TENM2: variants seen among roughly 807,000 people sequenced by gnomAD.
TENM2 encodes the protein teneurin transmembrane protein 2.
In TENM2, 52 loss-of-function variants were observed where a neutral mutation model predicts 245.2. The observed-to-expected ratio is 0.21, with a 90% CI of 0.17 to 0.27. TENM2 has a LOEUF of 0.27. TENM2 is among the 10% of genes least tolerant of loss of function. The pLI, the probability that TENM2 is intolerant of heterozygous loss-of-function variation, is 1.00. For synonymous variants in TENM2, 1,363 were observed against 1,438.9 expected, an observed-to-expected ratio of 0.95 and a Z score of 1.19; for missense variants, 3,046 against 3,666.8, an observed-to-expected ratio of 0.83 and a Z score of 4.37.
chr5:167,868,279 C>T (rs1331747046), intron 2 of TENM2, among the ~76,000 whole-genome samples: 1 of 152,108 alleles, frequency 6.6e-6, no homozygotes, highest in Non-Finnish European at 1.5e-5. Context: ...AGGATTGCCC[C>T]AGTGGAGAAT....
At chr5:167,093,116 G>A in the TENM2 span, among the ~76,000 whole-genome samples, 1 of 151,898 alleles carries the variant, frequency 6.6e-6, no homozygotes, top group Non-Finnish European at 1.5e-5. Flanking sequence ...TTACACTAGT[G>A]GATTCTCTAC....
chr5:167,401,407 A>T (rs1291020478), intron 2 of TENM2, among the ~76,000 whole-genome samples: 1 of 152,098 alleles, frequency 6.6e-6, no homozygotes, highest in South Asian at 2.1e-4. Context: ...AATTCTAAAA[A>T]TTGTGTTTGT....
intron 2 of TENM2, among the ~76,000 whole-genome samples, chr5:167,549,531 A>G (rs1772793881): frequency 6.6e-6 from 1 of 152,212 alleles, no homozygotes; most frequent in Non-Finnish European, 1.5e-5. Context: ...TTGGCCTAAT[A>G]TGGAGGAGTG....
intron 8 of TENM2, among the ~76,000 whole-genome samples, chr5:168,094,945 C>T (rs149207432): frequency 0.025 from 3,770 of 151,764 alleles, 148 homozygotes; most frequent in African/African-American, 0.083. Context: ...ACTGTGCATG[C>T]GAGGGATCTA....
In TENM2 at chr5:167,912,165, C is replaced by T. The variant is rs138592737; in HGVS notation, c.712+35970C>T. 3.6e-4 allele frequency among the ~76,000 whole-genome samples: 55 copies of T among 152,224 alleles called. 1 individual carries two copies. Among genetic ancestry groups the T allele is most frequent in the African/African-American group, 1.3e-3 (54 of 41,536 alleles). ...CAACATCTACCCAATCTCCACCTTCCAGCCCCTAGTAACCACCACCCTACT... is the reference window on the plus strand; with the variant it reads ...CAACATCTACCCAATCTCCACCTTCTAGCCCCTAGTAACCACCACCCTACT... On this transcript the variant is annotated intron_variant, in intron 3 of 28. Transcript: ENST00000518659.
At chr5:167,869,650 T>TATCAGGG (rs1772641088) in intron 2 of TENM2, among the ~76,000 whole-genome samples, 1 of 152,226 alleles carries the variant, frequency 6.6e-6, no homozygotes, top group Admixed American at 6.5e-5. Flanking sequence ...CCTCGCAGCT[T>TATCAGGG]CTGCACTAGC....
At chr5:167,256,626 A>G in the TENM2 span, among the ~76,000 whole-genome samples, 1 of 152,166 alleles carries the variant, frequency 6.6e-6, no homozygotes, top group African/African-American at 2.4e-5. Context: ...TATGCAATTT[A>G]TCCAATGTCC....
At chr5:167,215,740 G>A in the TENM2 span, among the ~76,000 whole-genome samples, 1 of 152,140 alleles carries the variant, frequency 6.6e-6, no homozygotes. Context: ...GTGGTTGAAG[G>A]GCCAAAAGAT....
chr5:168,042,607 C>T (rs912004003), intron 5 of TENM2, among the ~76,000 whole-genome samples: 1 of 152,036 alleles, frequency 6.6e-6, no homozygotes, highest in Non-Finnish European at 1.5e-5. Flanking sequence ...CTCAGTTACT[C>T]GCAACGAACC....
intron 2 of TENM2, among the ~76,000 whole-genome samples, chr5:167,443,168 A>G (rs1345573664): frequency 6.6e-6 from 1 of 152,096 alleles, no homozygotes; most frequent in African/African-American, 2.4e-5. Flanking sequence ...CAATAGCACA[A>G]CTTTTTCTCC....
chr5:167,909,898 T>C (rs11948513), intron 3 of TENM2, among the ~76,000 whole-genome samples: 7,687 of 150,182 alleles, frequency 0.051, 355 homozygotes, highest in African/African-American at 0.12. Context: ...GGCTTTGAAA[T>C]TGTGAGTAAG....
At chr5:167,878,573 CTGTGTGTGTGTGTG>C (rs10573629) in intron 3 of TENM2, among the ~76,000 whole-genome samples, 4 of 150,132 alleles carry the variant, frequency 2.7e-5, no homozygotes, top group Middle Eastern at 3.4e-3. Flanking sequence ...GTGCTCACGT[CTGTGTGTGTGTGTG>C]TGTGTGTGTG....
intron 2 of TENM2, among the ~76,000 whole-genome samples, chr5:167,863,621 GT>G (rs1367677387): frequency 1.3e-5 from 2 of 152,090 alleles, no homozygotes; most frequent in Non-Finnish European, 2.9e-5. Context: ...TCCAGCCTGG[GT>G]GACAGAGTGA....
chr5:168,051,812 T>C (rs1382994399), intron 6 of TENM2, among the ~76,000 whole-genome samples: 1 of 152,210 alleles, frequency 6.6e-6, no homozygotes, highest in Admixed American at 6.5e-5. Flanking sequence ...ATAAATGAGA[T>C]GACCCTTGTA....
chr5:167,174,091 T>G, the TENM2 span, among the ~76,000 whole-genome samples: 1 of 151,924 alleles, frequency 6.6e-6, no homozygotes, highest in African/African-American at 2.4e-5. Context: ...AAGGCTGTGA[T>G]GTGAACTGAG....
intron 3 of TENM2, among the ~76,000 whole-genome samples, chr5:167,935,764 T>G (rs1778657917): frequency 6.6e-6 from 1 of 152,136 alleles, no homozygotes; most frequent in South Asian, 2.1e-4. Flanking sequence ...ACAGACCAAG[T>G]CATTTTAGAT....
chr5:167,349,580 A>G (rs1038555588), intron 1 of TENM2, among the ~76,000 whole-genome samples: 11 of 151,860 alleles, frequency 7.2e-5, no homozygotes, highest in Non-Finnish European at 1.3e-4. Context: ...TTATTTCTCA[A>G]TTATCTTATT....
At chr5:168,145,971 GCTCT>G (rs1273547611) in intron 12 of TENM2, among the ~76,000 whole-genome samples, 1 of 138,902 alleles carries the variant, frequency 7.2e-6, no homozygotes, top group Admixed American at 7.5e-5. Flanking sequence ...TCATGATTTG[GCTCT>G]CTGTTTGTCT....
At chr5:167,266,821 A>G in the TENM2 span, among the ~76,000 whole-genome samples, 1 of 152,236 alleles carries the variant, frequency 6.6e-6, no homozygotes, top group African/African-American at 2.4e-5. Flanking sequence ...ATGATAATAC[A>G]GATAAAAGTC....
Sources: allele counts gnomAD v4.1 joint callset (sites outside exome capture counted in the v4.1 genomes callset), GRCh38; gene constraint gnomAD v4.1.1; transcripts MANE v1.5; gene names NCBI Gene and HGNC (gene_info 2026-07-23, HGNC 2026-07-21).